Variants in PTPRF observed in about 807,000 individuals in gnomAD.
PTPRF encodes receptor-type tyrosine-protein phosphatase F.
A neutral mutation model predicts 201.8 loss-of-function variants in PTPRF; 59 were observed. The observed-to-expected ratio is 0.29, with a 90% CI of 0.24 to 0.36. PTPRF has a LOEUF of 0.36. PTPRF is among the 10% of genes least tolerant of loss of function. The pLI is 1.00. For synonymous variants in PTPRF, 1,088 were observed against 1,089.7 expected (o/e 1.00, Z 0.03); for missense variants, 2,132 against 2,690.5 (o/e 0.79, Z 4.59).
At chr1:43,552,562 G>T (rs149346624) in intron 3 of PTPRF, among the ~76,000 whole-genome samples, 1 of 152,200 alleles carries the variant, frequency 6.6e-6, no homozygotes, top group Non-Finnish European at 1.5e-5. Flanking sequence ...TGGTCTGAAA[G>T]GTCATTTCTC....
rs1569804237 is a variant in PTPRF, at chr1:43,554,164, TCTC to T, written c.379+226_379+228del. On this transcript the variant is annotated intron_variant, in intron 5 of 33. Coordinates refer to ENST00000359947, the MANE Select transcript of PTPRF (RefSeq NM_002840.5). The surrounding 1 kb of genome is among the most constrained non-coding windows in gnomAD (Gnocchi z 4.1). The stretch of plus-strand genomic sequence containing the variant: ...CATGTGGGGCATGATGCCTTTGTAT[TCTC>T]CTGCTGAGCCGGGTCGTTGGTTGGG... 1.3e-5 allele frequency among the ~76,000 whole-genome samples: 2 copies of T among 152,150 alleles called. No homozygotes were observed. The highest frequency in any genetic ancestry group is 2.9e-5 in the Non-Finnish European group (2 of 68,012).
At chr1:43,621,313 C>T in intron 33 of PTPRF, 81 bp downstream of exon 33, 1 of 1,540,528 alleles carries the variant, frequency 6.5e-7, no homozygotes, top group Non-Finnish European at 8.8e-7. Flanking sequence ...AGTTTGATGC[C>T]CACAGGCATG....
At chr1:43,522,060 C>T (rs541965489), upstream of PTPRF, among the ~76,000 whole-genome samples, 21 of 152,286 alleles carry the variant, frequency 1.4e-4, no homozygotes, top group South Asian at 4.4e-3. Context: ...CAGGCTGAAG[C>T]TACTCTTCCA....
chr1:43,612,725 C>T, intron 22 of PTPRF: 4 of 1,349,434 alleles, frequency 3.0e-6, no homozygotes, highest in Non-Finnish European at 3.0e-6. Flanking sequence ...CTTTTCTTGC[C>T]CCGTTGTTTT....
chr1:43,525,998 G>A (rs894154635), upstream of PTPRF, among the ~76,000 whole-genome samples: 19 of 151,962 alleles, frequency 1.3e-4, no homozygotes, highest in Non-Finnish European at 2.2e-4. Context: ...GGCCAAGGGA[G>A]GGAATTTTTT....
chr1:43,528,661 G>A (rs1327929972), upstream of PTPRF: 1 of 152,244 alleles, frequency 6.6e-6, no homozygotes, highest in Non-Finnish European at 1.5e-5. Context: ...TTGCAGGACT[G>A]ATGACTGATT....
intron 5 of PTPRF, among the ~76,000 whole-genome samples, chr1:43,559,394 T>C (rs982295208): frequency 2.7e-5 from 4 of 150,402 alleles, no homozygotes; most frequent in Middle Eastern, 6.8e-3. Context: ...GTGAGTACCT[T>C]ATGGGCTATG....
intron 7 of PTPRF, among the ~76,000 whole-genome samples, chr1:43,585,770 C>T (rs948542459): frequency 6.6e-6 from 1 of 152,170 alleles, no homozygotes; most frequent in Non-Finnish European, 1.5e-5. Flanking sequence ...AAAGTCCAGT[C>T]AAGTTTCTAG....
At chr1:43,556,582 A>G (rs1021612637) in intron 5 of PTPRF, among the ~76,000 whole-genome samples, 3 of 152,190 alleles carry the variant, frequency 2.0e-5, no homozygotes, top group Non-Finnish European at 4.4e-5. Context: ...TGTGTCTTGT[A>G]TGAGTCCGTG....
Position 43,536,471 on chromosome 1 carries a change from A to T in PTPRF, c.-125-1727A>T, listed in dbSNP as rs188487630. 3.3e-5 allele frequency among the ~76,000 whole-genome samples: 5 copies of T among 152,208 alleles called. No individual in the cohort carries two copies. The East Asian group carries it at 9.7e-4, about 30-fold the overall frequency. On this transcript the variant is annotated intron_variant, in intron 1 of 33. Transcript: ENST00000359947. ...TTCTGCTCCATGTAGGGCCTGTCTC[A>T]GTCTCCAAGCACGAGACCCTGCTGT...
chr1:43,527,090 G>A (rs761543797), upstream of PTPRF, among the ~76,000 whole-genome samples: 8 of 152,214 alleles, frequency 5.3e-5, no homozygotes, highest in Non-Finnish European at 1.2e-4. Context: ...GTGTATTTAC[G>A]TCATGAGTTG....
In PTPRF at chr1:43,604,082, G is replaced by T; in HGVS notation, c.2930G>T (p.Gly977Val). The change falls in exon 16 of 34, where the codon GGC (glycine) becomes GTC (valine). Residue 977 changes from glycine (G) to valine (V), a missense_variant. By Grantham distance (109) the Gly-to-Val change is moderately radical. Coordinates refer to ENST00000359947, the MANE Select transcript of PTPRF (RefSeq NM_002840.5). The stretch of plus-strand genomic sequence containing the variant: ...ACAGACACCCGCTTTACCCTTACTG[G>T]CCTCAAGCCAGACACCACTTACGAC... ...ITTDTRFTLT[G>V]LKPDTTYDIK... 6.2e-7 allele frequency: 1 copy of T among 1,614,196 alleles called. No individual in the cohort carries two copies. Among genetic ancestry groups the T allele is most frequent in the Non-Finnish European group, 8.5e-7 (1 of 1,180,044 alleles).
chr1:43,547,394 GC>G (rs1156582110), intron 3 of PTPRF, among the ~76,000 whole-genome samples: 2 of 152,242 alleles, frequency 1.3e-5, no homozygotes, highest in Non-Finnish European at 2.9e-5. Flanking sequence ...GGGGACTCAG[GC>G]CTTCTCCCAG....
chr1:43,577,627 G>T (rs1647014811), intron 6 of PTPRF, among the ~76,000 whole-genome samples: 2 of 152,136 alleles, frequency 1.3e-5, no homozygotes, highest in Non-Finnish European at 2.9e-5. Flanking sequence ...TCTTCCTCTG[G>T]CTCCTGTCCA....
intron 5 of PTPRF, among the ~76,000 whole-genome samples, chr1:43,556,080 AT>A (rs1255617564): frequency 2.6e-5 from 4 of 152,222 alleles, no homozygotes; most frequent in Non-Finnish European, 5.9e-5. Context: ...CTTCAAAAAA[AT>A]ATTTTTTGCC....
chr1:43,600,585 T>C (rs1418217944), intron 13 of PTPRF, among the ~76,000 whole-genome samples: 1 of 151,820 alleles, frequency 6.6e-6, no homozygotes, highest in Non-Finnish European at 1.5e-5. Context: ...ATTCTGTCCT[T>C]CACGCAACAG....
intron 28 of PTPRF, 42 bp from the exon 29 acceptor site, chr1:43,619,638 C>G (rs1658719782): frequency 6.2e-7 from 1 of 1,610,886 alleles, no homozygotes; most frequent in Non-Finnish European, 8.5e-7. Flanking sequence ...GACCCCCACC[C>G]CCACAGGAAG....
intron 2 of PTPRF, among the ~76,000 whole-genome samples, chr1:43,544,311 G>C (rs1644525486): frequency 6.6e-6 from 1 of 152,212 alleles, no homozygotes; most frequent in South Asian, 2.1e-4. Flanking sequence ...TGGTTTCTCT[G>C]TGAAGTAGGA....
At chr1:43,605,670 A>G in intron 19 of PTPRF, 48 bp downstream of exon 19, 1 of 1,553,570 alleles carries the variant, frequency 6.4e-7, no homozygotes, top group Non-Finnish European at 8.9e-7. Context: ...TGCAGTGGTC[A>G]GCTGTGGCCT....
Sources: allele counts gnomAD v4.1 joint callset (sites outside exome capture counted in the v4.1 genomes callset), GRCh38; gene constraint gnomAD v4.1.1; non-coding constraint Gnocchi (gnomAD v3.1); transcripts MANE v1.5; gene names NCBI Gene and HGNC (gene_info 2026-07-23, HGNC 2026-07-21).